DEK: variants seen among roughly 807,000 people sequenced by gnomAD.
DEK encodes the protein DEK proto-oncogene, also known as protein DEK.
In DEK, 28 loss-of-function variants were observed where a neutral mutation model predicts 46.8. The ratio of observed to expected loss-of-function variants is 0.60; its 90% CI spans 0.44 to 0.82. The LOEUF (loss-of-function observed/expected upper bound fraction) is 0.82. Among genes scored for constraint, DEK ranks in the 40% least tolerant of loss-of-function variants. DEK has a pLI of 0.00. For synonymous variants in DEK, 160 were observed against 144.5 expected, an observed-to-expected ratio of 1.11 and a Z score of -0.77; for missense variants, 416 against 430.6, an observed-to-expected ratio of 0.97 and a Z score of 0.30.
At chr6:18,243,523 A>C (rs1489539838) in intron 7 of DEK, among the ~76,000 whole-genome samples, 2 of 152,134 alleles carry the variant, frequency 1.3e-5, no homozygotes, top group Non-Finnish European at 2.9e-5. Flanking sequence ...ACACAACTCT[A>C]ACCACGAGTT....
At chr6:18,256,532 G>A in intron 4 of DEK, 77 bp from the exon 5 acceptor site, 2 of 1,229,692 alleles carry the variant, frequency 1.6e-6, no homozygotes, top group Non-Finnish European at 2.3e-6. Context: ...CCAATTCAAA[G>A]TCAACATCTT....
At chr6:18,261,204 G>A (rs150424891) in intron 2 of DEK, among the ~76,000 whole-genome samples, 3 of 152,198 alleles carry the variant, frequency 2.0e-5, no homozygotes, top group East Asian at 1.9e-4. Context: ...TTGCACCAGC[G>A]TGCTCTGGAT....
At chr6:18,255,993 CTT>C (rs58144742) in intron 5 of DEK, 142 bp from the exon 6 acceptor site, 30,217 of 697,456 alleles carry the variant, frequency 0.043, 3 homozygotes, top group South Asian at 0.073. Flanking sequence ...AATCTTTTTT[CTT>C]TTTTTTTTTT....
At chr6:18,230,491 G>A (rs531093290) in intron 9 of DEK, among the ~76,000 whole-genome samples, 31 of 152,258 alleles carry the variant, frequency 2.0e-4, no homozygotes, top group African/African-American at 7.5e-4. Context: ...CCCATCTCAT[G>A]TGCAGAGACA....
rs548358737 is a variant in DEK, at chr6:18,225,606, C to T, written c.*113G>A. 1.6e-6 allele frequency: 2 copies of T among 1,247,920 alleles called. No individual in the cohort carries two copies. Among genetic ancestry groups the T allele is most frequent in the Non-Finnish European group, 2.2e-6 (2 of 896,288 alleles). 77.3% of individuals were successfully genotyped at this position (1,247,920 alleles called of 1,614,324 possible). A position where few individuals can be genotyped will look rare whatever the true frequency, so the allele number is the denominator to read the frequency against. On this transcript the variant is annotated 3_prime_UTR_variant, in exon 11 of 11. Transcript: ENST00000652689. The stretch of plus-strand genomic sequence containing the variant: ...ATAAAAAGGTCAGCAGTAAGTTCTA[C>T]TAACGTTGCTTAACAAGGATTTAGA...
chr6:18,256,153 A>G (rs559526790), intron 5 of DEK, among the ~76,000 whole-genome samples: 1 of 151,960 alleles, frequency 6.6e-6, no homozygotes, highest in South Asian at 2.1e-4. Context: ...ACAGCCGGCT[A>G]ATTTTGTATC....
At chr6:18,258,912 C>T (rs1396412153) in intron 2 of DEK, among the ~76,000 whole-genome samples, 5 of 152,076 alleles carry the variant, frequency 3.3e-5, no homozygotes, top group Admixed American at 6.6e-5. Flanking sequence ...GCCTGAAGTA[C>T]GTGGATAGGA....
In DEK at chr6:18,258,406, C is replaced by T. The variant is rs1791696621; in HGVS notation, c.146-1G>A. ...TTGCCTTCCACGATGAGACTCTTTT[C>T]TAGAAATTAATTTAGTATTTCTTAA... On this transcript the variant is annotated splice_acceptor_variant, in intron 2 of 10. Transcript: ENST00000652689. LOFTEE classifies it high-confidence loss of function. 1 of 1,604,794 alleles carries T rather than the reference C, an allele frequency of 6.2e-7. No individual in the cohort carries two copies. Among genetic ancestry groups the T allele is most frequent in the Non-Finnish European group, 8.5e-7 (1 of 1,173,918 alleles).
intron 7 of DEK, among the ~76,000 whole-genome samples, chr6:18,246,143 C>T (rs1166779637): frequency 6.6e-6 from 1 of 152,122 alleles, no homozygotes; most frequent in Non-Finnish European, 1.5e-5. Context: ...GCAATCCTGC[C>T]CTGAAGAAGC....
At chr6:18,247,731 G>A (rs1232554537) in intron 7 of DEK, among the ~76,000 whole-genome samples, 1 of 151,946 alleles carries the variant, frequency 6.6e-6, no homozygotes, top group East Asian at 1.9e-4. Flanking sequence ...GAGAACAATG[G>A]TGCGATCTCA....
intron 7 of DEK, among the ~76,000 whole-genome samples, chr6:18,246,711 T>C (rs996413508): frequency 6.6e-5 from 10 of 152,208 alleles, no homozygotes; most frequent in Non-Finnish European, 2.9e-5. Context: ...AGGAGAACTA[T>C]AAACTTACTC....
intron 2 of DEK, among the ~76,000 whole-genome samples, chr6:18,258,697 G>A (rs1791709915): frequency 1.3e-5 from 2 of 151,832 alleles, no homozygotes; most frequent in Admixed American, 6.6e-5. Context: ...TGCCATTACA[G>A]TCCAGTCACT....
chr6:18,242,669 G>C (rs576301456), intron 7 of DEK, among the ~76,000 whole-genome samples: 1 of 152,252 alleles, frequency 6.6e-6, no homozygotes, highest in East Asian at 1.9e-4. Flanking sequence ...AACTGTTGCA[G>C]TATCATTGTG....
At chr6:18,261,259 T>C (rs1791850110) in intron 2 of DEK, among the ~76,000 whole-genome samples, 1 of 152,128 alleles carries the variant, frequency 6.6e-6, no homozygotes, top group Non-Finnish European at 1.5e-5. Flanking sequence ...CTTTAAGATT[T>C]AAAGACTGCC....
chr6:18,242,373 A>G (rs1349000640), intron 7 of DEK, among the ~76,000 whole-genome samples: 2 of 152,226 alleles, frequency 1.3e-5, no homozygotes, highest in Non-Finnish European at 2.9e-5. Context: ...AAAAAGAAGA[A>G]AGAATAATAC....
intron 7 of DEK, among the ~76,000 whole-genome samples, chr6:18,242,384 G>A (rs765637973): frequency 2.0e-5 from 3 of 152,106 alleles, no homozygotes; most frequent in African/African-American, 4.8e-5. Flanking sequence ...AGAATAATAC[G>A]GCAGTCTCCC....
At chr6:18,255,701 T>G in intron 6 of DEK, 30 bp downstream of exon 6, 1 of 1,580,656 alleles carries the variant, frequency 6.3e-7, no homozygotes, top group East Asian at 2.2e-5. Context: ...GAATAACTGA[T>G]TTATGAAAAA....
chr6:18,226,017 G>T, intron 10 of DEK, 157 bp downstream of exon 10: 1 of 805,670 alleles, frequency 1.2e-6, no homozygotes, highest in Non-Finnish European at 1.8e-6. Flanking sequence ...AAGCTTTAAA[G>T]TGGGAATGAG....
At chr6:18,253,642 G>A (rs999880058) in intron 6 of DEK, among the ~76,000 whole-genome samples, 2 of 152,046 alleles carry the variant, frequency 1.3e-5, no homozygotes, top group African/African-American at 4.8e-5. Context: ...GGTATTGTAT[G>A]GTATCAAAAA....
Sources: allele counts gnomAD v4.1 joint callset (sites outside exome capture counted in the v4.1 genomes callset), GRCh38; gene constraint gnomAD v4.1.1; transcripts MANE v1.5; gene names NCBI Gene and HGNC (gene_info 2026-07-23, HGNC 2026-07-21).